NR6A1: variants seen among roughly 807,000 people sequenced by gnomAD.
NR6A1 encodes the protein retinoic acid receptor-related testis-associated receptor.
In NR6A1, 7 loss-of-function variants were observed where a neutral mutation model predicts 59.1. That is an observed-to-expected ratio of 0.12 (90% CI 0.07 to 0.22). NR6A1 has a LOEUF of 0.22. Among genes scored for constraint, NR6A1 ranks in the 10% least tolerant of loss-of-function variants. The pLI, the probability that NR6A1 is intolerant of heterozygous loss-of-function variation, is 1.00. For missense variants in NR6A1, 468 were observed against 611.6 expected (o/e 0.77, Z 2.48); for synonymous variants, 243 against 236.1 (o/e 1.03, Z -0.27).
intron 2 of NR6A1, among the ~76,000 whole-genome samples, chr9:124,570,829 G>T (rs1258447918): frequency 6.6e-6 from 1 of 152,182 alleles, no homozygotes. Flanking sequence ...TTCATAGATA[G>T]CTTGGATCCA....
rs546396371 is a variant in NR6A1, at chr9:124,670,550, C to T, written c.142+62758G>A. 1.1e-4 allele frequency among the ~76,000 whole-genome samples: 17 copies of T among 149,246 alleles called. 1 individual carries two copies. In the South Asian group the frequency reaches 1.7e-3, roughly 15 times the overall value. On this transcript the variant is annotated intron_variant, in intron 2 of 9. Transcript: ENST00000487099. ...ACATTATGTCTCCAGGTTAGCTCCA[C>T]GCAGAGGCAGCTGACAAACACAGCT...
chr9:124,538,043 A>G, intron 6 of NR6A1, 49 bp downstream of exon 6: 6 of 1,497,262 alleles, frequency 4.0e-6, no homozygotes, highest in Non-Finnish European at 5.5e-6. Flanking sequence ...GGTGTGGGGT[A>G]GGGACACTTT....
chr9:124,597,071 T>C (rs1322859631), intron 2 of NR6A1, among the ~76,000 whole-genome samples: 1 of 152,236 alleles, frequency 6.6e-6, no homozygotes, highest in Non-Finnish European at 1.5e-5. Flanking sequence ...AGCAGCCATA[T>C]AACTGAATGG....
intron 2 of NR6A1, among the ~76,000 whole-genome samples, chr9:124,676,084 T>G (rs1837951496): frequency 6.6e-6 from 1 of 152,080 alleles, no homozygotes; most frequent in South Asian, 2.1e-4. Context: ...TGTCACAAGT[T>G]AGAAGAATTC....
chr9:124,729,757 G>C (rs1245039417), intron 2 of NR6A1, among the ~76,000 whole-genome samples: 1 of 151,506 alleles, frequency 6.6e-6, no homozygotes, highest in African/African-American at 2.4e-5. Context: ...GGCTGAACAT[G>C]CTCATTTGAA....
At chr9:124,753,859 A>G (rs1391073496) in intron 1 of NR6A1, among the ~76,000 whole-genome samples, 1 of 152,180 alleles carries the variant, frequency 6.6e-6, no homozygotes, top group Non-Finnish European at 1.5e-5. Context: ...TTACCCTGAT[A>G]AAGCTGCAGT....
chr9:124,707,160 A>G (rs1404221310), intron 2 of NR6A1, among the ~76,000 whole-genome samples: 1 of 152,132 alleles, frequency 6.6e-6, no homozygotes, highest in Non-Finnish European at 1.5e-5. Context: ...GATGTCCCAC[A>G]GATCTCAGAG....
chr9:124,741,234 A>G (rs536172046), intron 1 of NR6A1, among the ~76,000 whole-genome samples: 1 of 152,338 alleles, frequency 6.6e-6, no homozygotes, highest in African/African-American at 2.4e-5. Flanking sequence ...CAGTGAAAAC[A>G]TAGTTGTCGT....
intron 2 of NR6A1, among the ~76,000 whole-genome samples, chr9:124,607,844 A>G (rs1202362474): frequency 6.6e-6 from 1 of 152,192 alleles, no homozygotes; most frequent in East Asian, 1.9e-4. Flanking sequence ...CAGGAGTTCA[A>G]GACCAACCTG....
chr9:124,715,351 C>T (rs1345085119), intron 2 of NR6A1, among the ~76,000 whole-genome samples: 2 of 151,636 alleles, frequency 1.3e-5, no homozygotes, highest in South Asian at 2.1e-4. Flanking sequence ...AGTGAGACCC[C>T]GTCTCTACAA....
intron 3 of NR6A1, among the ~76,000 whole-genome samples, chr9:124,549,437 C>G (rs542031490): frequency 6.6e-6 from 1 of 152,246 alleles, no homozygotes; most frequent in Non-Finnish European, 1.5e-5. Context: ...CCGAAGACTG[C>G]AAGATGGGTA....
chr9:124,722,968 A>C (rs910906442), intron 2 of NR6A1, among the ~76,000 whole-genome samples: 5 of 152,154 alleles, frequency 3.3e-5, no homozygotes, highest in African/African-American at 1.2e-4. Context: ...CTAGGATTAC[A>C]GGTGTGACCC....
At chr9:124,673,588 C>G (rs1837859580) in intron 2 of NR6A1, among the ~76,000 whole-genome samples, 1 of 152,038 alleles carries the variant, frequency 6.6e-6, no homozygotes, top group African/African-American at 2.4e-5. Flanking sequence ...AAATGCCCCA[C>G]TATGACTTTT....
intron 7 of NR6A1, among the ~76,000 whole-genome samples, chr9:124,530,701 G>GC (rs1216356209): frequency 6.6e-6 from 1 of 152,132 alleles, no homozygotes; most frequent in African/African-American, 2.4e-5. Flanking sequence ...CCCAGGAGTG[G>GC]CCATCAGCCA....
intron 2 of NR6A1, among the ~76,000 whole-genome samples, chr9:124,643,101 T>TGGG (rs539674589): frequency 1.0e-3 from 32 of 31,268 alleles, no homozygotes; most frequent in South Asian, 0.01. Flanking sequence ...AGCCCTCGGG[T>TGGG]GGGGGGGGGG....
intron 2 of NR6A1, among the ~76,000 whole-genome samples, chr9:124,721,257 G>A (rs79684740): frequency 0.01 from 1,569 of 152,266 alleles, 25 homozygotes; most frequent in African/African-American, 0.036. Flanking sequence ...TAAACTCTCG[G>A]CTCCATAGGG....
chr9:124,652,458 T>A (rs1366950371), intron 2 of NR6A1, among the ~76,000 whole-genome samples: 3 of 152,220 alleles, frequency 2.0e-5, no homozygotes, highest in African/African-American at 7.2e-5. Context: ...GATAATACTG[T>A]TCCCCTGACA....
At chr9:124,673,735 C>T (rs905285174) in intron 2 of NR6A1, among the ~76,000 whole-genome samples, 1 of 152,028 alleles carries the variant, frequency 6.6e-6, no homozygotes, top group African/African-American at 2.4e-5. Context: ...ATCAGTTAGA[C>T]AAAAATCTCC....
At chr9:124,538,919 A>C (rs1398692906) in intron 5 of NR6A1, among the ~76,000 whole-genome samples, 1 of 151,958 alleles carries the variant, frequency 6.6e-6, no homozygotes, top group East Asian at 1.9e-4. Context: ...AAAAAAAAAA[A>C]AACCTAAGCC....
Sources: allele counts gnomAD v4.1 joint callset (sites outside exome capture counted in the v4.1 genomes callset), GRCh38; gene constraint gnomAD v4.1.1; transcripts MANE v1.5; gene names NCBI Gene and HGNC (gene_info 2026-07-23, HGNC 2026-07-21).